The following PCDHA8 variants were observed in gnomAD, a reference collection of about 807,000 sequenced individuals.
PCDHA8 encodes the protein protocadherin alpha-8.
A neutral mutation model predicts 61.8 loss-of-function variants in PCDHA8; 53 were observed. That is an observed-to-expected ratio of 0.86 (90% CI 0.69 to 1.08). The LOEUF is 1.08. Ranked by LOEUF, PCDHA8 falls within the 50% of genes least tolerant of loss-of-function variation. PCDHA8 has a pLI of 0.00. For missense variants in PCDHA8, 1,293 were observed against 1,245.0 expected (o/e 1.04, Z -0.58); for synonymous variants, 618 against 556.6 (o/e 1.11, Z -1.55).
chr5:140,853,750 C>T (rs2042854263), intron 1 of PCDHA8: 1 of 988,454 alleles, frequency 1.0e-6, no homozygotes, highest in Non-Finnish European at 1.2e-6. Context: ...TGGTTCAAGG[C>T]TCCACCTCAG....
At chr5:140,876,568 G>C (rs1302204057) in intron 1 of PCDHA8, 2 of 1,614,046 alleles carry the variant, frequency 1.2e-6, no homozygotes, top group African/African-American at 1.3e-5. Context: ...TGCTCAGGTG[G>C]GTACCGTCAT....
intron 1 of PCDHA8, chr5:140,861,406 T>C (rs1301419453): frequency 2.3e-5 from 11 of 470,150 alleles, no homozygotes; most frequent in African/African-American, 2.2e-4. Flanking sequence ...CTTGTGGAGC[T>C]GATACCGCGC....
chr5:141,011,429 A>G lies in PCDHA8; in HGVS notation c.*1492A>G, dbSNP rs1554263477. ...TGTGTATGTGAATGTTAATGCAACT[A>G]TTACCTAGAGTGAACTTTAAGCTTT... On this transcript the variant is annotated 3_prime_UTR_variant, in exon 4 of 4. Coordinates refer to ENST00000531613, the MANE Select transcript of PCDHA8 (RefSeq NM_018911.3). 1.3e-5 allele frequency: 2 copies of G among 153,758 alleles called. No homozygotes were observed. Among genetic ancestry groups the G allele is most frequent in the Non-Finnish European group, 2.9e-5 (2 of 68,036 alleles). 9.5% of individuals were successfully genotyped at this position (153,758 alleles called of 1,614,324 possible).
At chr5:140,871,486 C>T in intron 1 of PCDHA8, 1 of 1,592,450 alleles carries the variant, frequency 6.3e-7, no homozygotes, top group African/African-American at 1.3e-5. Context: ...GTCAAATCAC[C>T]CCGGACAGGT....
At chr5:140,957,225 G>C (rs1585702621) in intron 1 of PCDHA8, among the ~76,000 whole-genome samples, 1 of 152,072 alleles carries the variant, frequency 6.6e-6, no homozygotes, top group Admixed American at 6.6e-5. Flanking sequence ...ATTTGGCGAA[G>C]CATTTTGGCA....
At position 140,903,272 on chromosome 5, in the gene PCDHA8, G is replaced by A. The variant is rs907509606; in HGVS notation, c.2394+59557G>A. Among the ~76,000 whole-genome samples the A allele has an allele frequency of 2.6e-5, 4 of 152,138 alleles. No individual in the cohort carries two copies. The East Asian group carries it at 5.8e-4, about 22-fold the overall frequency. ...TAGTAATTCTTGCAGGAGTGAGGTA[G>A]TGTCTCATTGTGCATTAGGAAATTT... On this transcript the variant is annotated intron_variant, in intron 1 of 3. Transcript: ENST00000531613.
chr5:140,925,641 TATA>T (rs10569930), intron 1 of PCDHA8, among the ~76,000 whole-genome samples: 13,718 of 143,270 alleles, frequency 0.096, 957 homozygotes, highest in East Asian at 0.35. Context: ...GAACTTAAAG[TATA>T]ATAATAATAA....
rs2150465616 is a variant in PCDHA8, at chr5:140,850,062, T to C, written c.2394+6347T>C. ...CGGCAAGGTGTACGCGCTGCAGCCG[T>C]TGGACCACGAGGAGCTGGAGCTGCT... On this transcript the variant is annotated intron_variant, in intron 1 of 3. Transcript: ENST00000531613. 1.4e-4 allele frequency: 229 copies of C among 1,596,236 alleles called. 16 individuals are homozygous for C. The highest frequency in any genetic ancestry group is 1.1e-3 in the East Asian group (50 of 44,828).
At chr5:140,960,832 G>T (rs141442734) in intron 1 of PCDHA8, among the ~76,000 whole-genome samples, 1 of 152,230 alleles carries the variant, frequency 6.6e-6, no homozygotes, top group African/African-American at 2.4e-5. Flanking sequence ...TGGAAACTTG[G>T]AACAGGTTTA....
chr5:140,965,700 C>CT (rs1554227802), intron 1 of PCDHA8, among the ~76,000 whole-genome samples: 1 of 152,162 alleles, frequency 6.6e-6, no homozygotes, highest in East Asian at 1.9e-4. Flanking sequence ...TTAGAAAAAG[C>CT]TTGAGAGAAG....
chr5:140,850,323 G>A (rs2150479672), intron 1 of PCDHA8: 4 of 1,597,370 alleles, frequency 2.5e-6, no homozygotes, highest in Non-Finnish European at 3.4e-6. Context: ...GCTTTCATAC[G>A]AGCTGCAGCC....
chr5:140,857,458 C>A (rs782648266), intron 1 of PCDHA8: 1 of 1,598,670 alleles, frequency 6.3e-7, no homozygotes, highest in South Asian at 1.1e-5. Flanking sequence ...ACCCGCCAGG[C>A]TGCCACATCT....
chr5:140,863,074 A>G lies in PCDHA8; in HGVS notation c.2394+19359A>G, dbSNP rs142752367. ...GCACCCGTTCCACGTGGGGCTCTGC[A>G]CGGGCGAGATCAGCACGACGAGTAC... On this transcript the variant is annotated intron_variant, in intron 1 of 3. Transcript: ENST00000531613. The G allele has an allele frequency of 2.9e-3, 1,668 of 569,744 alleles. 11 individuals are homozygous for G. Among genetic ancestry groups the G allele is most frequent in the Middle Eastern group, 0.01 (34 of 3,390 alleles). The allele number at this position is 569,744 out of a possible 1,614,324, so 35.3% of individuals were successfully genotyped here.
At chr5:140,910,072 T>A (rs546252378) in intron 1 of PCDHA8, among the ~76,000 whole-genome samples, 359 of 152,300 alleles carry the variant, frequency 2.4e-3, no homozygotes, top group African/African-American at 8.0e-3. Flanking sequence ...ACAGCGTAAA[T>A]TGTTGTCAAG....
At chr5:140,967,555 C>G (rs782586326) in intron 1 of PCDHA8, 3 of 1,614,008 alleles carry the variant, frequency 1.9e-6, no homozygotes, top group Non-Finnish European at 2.5e-6. Context: ...CCACTTATCG[C>G]GTCCAGCTAC....
intron 1 of PCDHA8, chr5:140,869,209 T>C (rs782345986): frequency 1.2e-6 from 2 of 1,613,950 alleles, no homozygotes; most frequent in South Asian, 2.2e-5. Flanking sequence ...CTACTCCGTC[T>C]CGGAGGAGGC....
intron 3 of PCDHA8, among the ~76,000 whole-genome samples, chr5:140,991,251 A>G (rs2097441392): frequency 6.6e-6 from 1 of 152,306 alleles, no homozygotes; most frequent in South Asian, 2.1e-4. Context: ...GCAGTATTTG[A>G]ACTCATGTCT....
intron 1 of PCDHA8, among the ~76,000 whole-genome samples, chr5:140,962,257 A>C (rs915555866): frequency 6.6e-6 from 1 of 152,174 alleles, no homozygotes; most frequent in Admixed American, 6.5e-5. Context: ...AATGAAAAAT[A>C]ATTTTATAAT....
At chr5:140,871,728 G>A in intron 1 of PCDHA8, 1 of 724,824 alleles carries the variant, frequency 1.4e-6, no homozygotes, top group South Asian at 2.4e-5. Flanking sequence ...CTTAATATTT[G>A]GTTAGCAAAT....
Sources: gnomAD v4.1 joint callset for allele counts (sites outside exome capture counted in the v4.1 genomes callset) on GRCh38, gnomAD v4.1.1 for gene constraint, MANE v1.5 for transcripts, NCBI Gene and HGNC (gene_info 2026-07-23, HGNC 2026-07-21) for gene names.